Variants in COL22A1 observed in about 807,000 individuals in gnomAD.
COL22A1 encodes the protein collagen alpha-1(XXII) chain.
COL22A1 carries 221 observed loss-of-function variants against 248.9 expected under a neutral mutation model. The observed-to-expected ratio is 0.89, with a 90% CI of 0.80 to 0.99. The LOEUF is 0.99. Ranked by LOEUF, COL22A1 falls within the 50% of genes least tolerant of loss-of-function variation. The pLI is 0.00. For synonymous variants in COL22A1, 891 were observed against 793.4 expected (o/e 1.12, Z -2.07); for missense variants, 2,240 against 2,179.0 (o/e 1.03, Z -0.56).
At chr8:138,629,524 G>T (rs975756491) in intron 50 of COL22A1, among the ~76,000 whole-genome samples, 2 of 152,048 alleles carry the variant, frequency 1.3e-5, no homozygotes, top group Admixed American at 6.6e-5. Flanking sequence ...ACCAGATGAG[G>T]ATCCTAAACC....
intron 43 of COL22A1, among the ~76,000 whole-genome samples, chr8:138,661,261 C>T (rs1032111933): frequency 2.6e-5 from 4 of 152,014 alleles, no homozygotes; most frequent in African/African-American, 9.7e-5. Flanking sequence ...AGGAATAAGA[C>T]AGTAACCTTC....
chr8:138,589,015 AAATAAT>A lies in COL22A1; in HGVS notation c.*232_*237del, dbSNP rs1208593431. On this transcript the variant is annotated 3_prime_UTR_variant, in exon 65 of 65. Transcript: ENST00000303045. Reference sequence around the variant, plus strand: ...AGAACTCACAAAGCATCAGCATATGAAATAATAATAATAATTAACAACAACAATAAT... The same window carrying A: ...AGAACTCACAAAGCATCAGCATATGAAATAATAATTAACAACAACAATAAT... The A allele has an allele frequency of 4.7e-6, 2 of 424,086 alleles. No homozygotes were observed. The highest frequency in any genetic ancestry group is 4.2e-5 in the African/African-American group (2 of 47,930). The allele number at this position is 424,086 out of a possible 1,614,324, so 26.3% of individuals were successfully genotyped here. A position where few individuals can be genotyped will look rare whatever the true frequency, so the allele number is the denominator to read the frequency against.
rs368959482 is a variant in COL22A1, at chr8:138,685,441, T to C, written c.2863-129A>G. ...TTATGATTTTAGAAGGCCCATGCTTTCTGGGACACAGAAAGATGGACTGTG... is the reference window on the plus strand; with the variant it reads ...TTATGATTTTAGAAGGCCCATGCTTCCTGGGACACAGAAAGATGGACTGTG... On this transcript the variant is annotated intron_variant, in intron 37 of 64. Transcript: ENST00000303045. The C allele has an allele frequency of 8.0e-4, 585 of 732,246 alleles. 2 individuals are homozygous for C. Among genetic ancestry groups the C allele is most frequent in the Admixed American group, 1.3e-3 (48 of 37,350 alleles). 45.4% of individuals were successfully genotyped at this position (732,246 alleles called of 1,614,324 possible).
At chr8:138,821,587 G>C (rs745454964) in intron 6 of COL22A1, among the ~76,000 whole-genome samples, 176 bp from the exon 7 acceptor site, 1 of 152,180 alleles carries the variant, frequency 6.6e-6, no homozygotes, top group Non-Finnish European at 1.5e-5. Context: ...ACCTCTGAGA[G>C]CCTCGGGTTC....
intron 13 of COL22A1, 94 bp downstream of exon 13, chr8:138,780,833 G>T (rs904230454): frequency 1.3e-5 from 14 of 1,039,402 alleles, no homozygotes; most frequent in Non-Finnish European, 1.8e-5. Flanking sequence ...TCTGGCCCTG[G>T]CAATGCCACC....
At chr8:138,876,939 G>A (rs1425060336) in intron 3 of COL22A1, among the ~76,000 whole-genome samples, 3 of 152,270 alleles carry the variant, frequency 2.0e-5, no homozygotes, top group Admixed American at 6.5e-5. Context: ...AAGGACAAAT[G>A]TCACCCCAAT....
At chr8:138,866,090 A>C (rs1822875693) in intron 3 of COL22A1, among the ~76,000 whole-genome samples, 2 of 152,188 alleles carry the variant, frequency 1.3e-5, no homozygotes, top group South Asian at 4.2e-4. Flanking sequence ...AACATAATCA[A>C]AAGGACAAAG....
intron 18 of COL22A1, among the ~76,000 whole-genome samples, chr8:138,756,108 C>T (rs546417415): frequency 6.6e-6 from 1 of 152,294 alleles, no homozygotes; most frequent in South Asian, 2.1e-4. Context: ...GGGTCATGTT[C>T]CATGAACACC....
chr8:138,740,671 AAC>A (rs899586828), intron 22 of COL22A1, among the ~76,000 whole-genome samples: 62 of 152,306 alleles, frequency 4.1e-4, no homozygotes, highest in Admixed American at 3.5e-3. Context: ...AATGCAAAGA[AAC>A]ACATCTATGG....
At chr8:138,801,673 G>A (rs1817011024) in intron 11 of COL22A1, among the ~76,000 whole-genome samples, 1 of 152,176 alleles carries the variant, frequency 6.6e-6, no homozygotes, top group Admixed American at 6.5e-5. Context: ...GAGGTCAGGA[G>A]TTTGAGACCA....
At chr8:138,784,917 C>A (rs1049342718) in intron 12 of COL22A1, among the ~76,000 whole-genome samples, 2 of 152,110 alleles carry the variant, frequency 1.3e-5, no homozygotes, top group Non-Finnish European at 2.9e-5. Context: ...AGTGTGCTTC[C>A]GAACATCTTC....
chr8:138,806,344 G>C (rs1301396089), intron 10 of COL22A1, among the ~76,000 whole-genome samples: 1 of 151,864 alleles, frequency 6.6e-6, no homozygotes, highest in African/African-American at 2.4e-5. Context: ...TGGTTTGTGT[G>C]TGTGTCCGTA....
At chr8:138,765,295 A>G (rs1442671930) in intron 16 of COL22A1, among the ~76,000 whole-genome samples, 1 of 152,120 alleles carries the variant, frequency 6.6e-6, no homozygotes, top group Non-Finnish European at 1.5e-5. Context: ...TGGGCTGGTG[A>G]GTGGACAAGG....
chr8:138,679,511 T>A (rs1378875618), intron 40 of COL22A1, 106 bp downstream of exon 40: 1 of 932,074 alleles, frequency 1.1e-6, no homozygotes, highest in African/African-American at 1.6e-5. Flanking sequence ...TTCCAAAGCC[T>A]ACTTATCAAC....
At chr8:138,749,899 G>A (rs1832448857) in intron 22 of COL22A1, among the ~76,000 whole-genome samples, 1 of 152,168 alleles carries the variant, frequency 6.6e-6, no homozygotes, top group African/African-American at 2.4e-5. Context: ...CTCTGATACA[G>A]TTTGGCTGTG....
At chr8:138,699,674 G>T (rs554885466) in intron 32 of COL22A1, among the ~76,000 whole-genome samples, 2 of 152,152 alleles carry the variant, frequency 1.3e-5, no homozygotes, top group African/African-American at 4.8e-5. Context: ...CCAGTCCCCA[G>T]AACAGCCTGA....
chr8:138,650,651 A>G (rs1429751573), intron 45 of COL22A1, among the ~76,000 whole-genome samples: 2 of 152,082 alleles, frequency 1.3e-5, no homozygotes, highest in African/African-American at 4.8e-5. Context: ...TAAAGCACTT[A>G]GAATACTCTC....
At chr8:138,654,139 C>T (rs1823001224) in intron 45 of COL22A1, among the ~76,000 whole-genome samples, 1 of 152,156 alleles carries the variant, frequency 6.6e-6, no homozygotes, top group Admixed American at 6.5e-5. Context: ...AAGATTGGGA[C>T]ATCTTGAGGT....
intron 1 of COL22A1, among the ~76,000 whole-genome samples, chr8:138,891,016 C>T (rs184662864): frequency 3.4e-3 from 511 of 150,572 alleles, no homozygotes; most frequent in Middle Eastern, 0.014. Context: ...AGTGAGACTC[C>T]GTATAAAAAA....
Sources: gnomAD v4.1 joint callset for allele counts (sites outside exome capture counted in the v4.1 genomes callset) on GRCh38, gnomAD v4.1.1 for gene constraint, MANE v1.5 for transcripts, NCBI Gene and HGNC (gene_info 2026-07-23, HGNC 2026-07-21) for gene names.